Variants in RPRD1A observed in about 807,000 individuals in gnomAD.
RPRD1A encodes the protein regulation of nuclear pre-mRNA domain containing 1A.
RPRD1A carries 9 observed loss-of-function variants against 37.8 expected under a neutral mutation model. The ratio of observed to expected loss-of-function variants is 0.24; its 90% CI spans 0.14 to 0.42. RPRD1A has a LOEUF of 0.42. Ranked by LOEUF, RPRD1A falls within the 10% of genes least tolerant of loss-of-function variation. The pLI is 1.00. For missense variants in RPRD1A, 255 were observed against 371.0 expected, an observed-to-expected ratio of 0.69 and a Z score of 2.57; for synonymous variants, 138 against 139.7, an observed-to-expected ratio of 0.99 and a Z score of 0.08.
chr18:36,018,280 T>C (rs1910743509), intron 6 of RPRD1A, among the ~76,000 whole-genome samples: 1 of 146,568 alleles, frequency 6.8e-6, no homozygotes, highest in African/African-American at 2.5e-5. Flanking sequence ...ACACTTTTTT[T>C]TTTTTTTTTT....
At chr18:36,003,680 T>C (rs1349916094) in intron 6 of RPRD1A, among the ~76,000 whole-genome samples, 1 of 152,234 alleles carries the variant, frequency 6.6e-6, no homozygotes, top group Non-Finnish European at 1.5e-5. Flanking sequence ...TCAAAAAAAT[T>C]TAAAACTTCC....
intron 6 of RPRD1A, among the ~76,000 whole-genome samples, chr18:35,994,548 T>G (rs569105053): frequency 1.3e-5 from 2 of 152,324 alleles, no homozygotes; most frequent in African/African-American, 2.4e-5. Context: ...CAGGTGGATA[T>G]CGGAGCTGTT....
In RPRD1A at chr18:36,048,015, A is replaced by G. The variant is rs148391608; in HGVS notation, c.152-14178T>C. Among the ~76,000 whole-genome samples the G allele has an allele frequency of 2.9e-3, 442 of 152,120 alleles. 3 individuals carry two copies. The highest frequency in any genetic ancestry group is 9.9e-3 in the African/African-American group (412 of 41,510). ...CAAAACCAGACACAGCATCCAAAAA[A>G]GGAAAACTATAGACCAACCACCTTC... On this transcript the variant is annotated intron_variant, in intron 1 of 6. Transcript: ENST00000399022.
intron 2 of RPRD1A, among the ~76,000 whole-genome samples, chr18:36,031,465 C>T (rs770250483): frequency 6.6e-6 from 1 of 152,116 alleles, no homozygotes; most frequent in East Asian, 1.9e-4. Context: ...GATCCAGTTA[C>T]TATCTTTGAC....
At chr18:36,042,927 A>T (rs1912685329) in intron 1 of RPRD1A, among the ~76,000 whole-genome samples, 1 of 152,184 alleles carries the variant, frequency 6.6e-6, no homozygotes, top group Non-Finnish European at 1.5e-5. Flanking sequence ...TCACCTTGCA[A>T]ATTTTACTTC....
chr18:36,045,100 C>T (rs953919298), intron 1 of RPRD1A, among the ~76,000 whole-genome samples: 17 of 152,034 alleles, frequency 1.1e-4, no homozygotes, highest in African/African-American at 3.9e-4. Flanking sequence ...ATTAGCCAGA[C>T]GTGGTGGTGC....
chr18:36,033,041 C>T (rs539841004), intron 2 of RPRD1A, among the ~76,000 whole-genome samples: 10 of 152,166 alleles, frequency 6.6e-5, no homozygotes, highest in African/African-American at 2.4e-4. Flanking sequence ...TGGTGGCTCA[C>T]GTTTGTAATC....
intron 1 of RPRD1A, among the ~76,000 whole-genome samples, chr18:36,042,454 A>G (rs1912647994): frequency 6.6e-6 from 1 of 152,206 alleles, no homozygotes; most frequent in African/African-American, 2.4e-5. Context: ...CCAGTAACTT[A>G]GTTTCTGATC....
intron 4 of RPRD1A, 127 bp downstream of exon 4, chr18:36,030,681 T>C (rs926218689): frequency 4.9e-6 from 3 of 606,810 alleles, no homozygotes; most frequent in Middle Eastern, 3.7e-4. Context: ...GAGATATTCA[T>C]GTGGCTTCTT....
At chr18:36,050,445 G>C (rs1913300712) in intron 1 of RPRD1A, among the ~76,000 whole-genome samples, 1 of 151,770 alleles carries the variant, frequency 6.6e-6, no homozygotes, top group African/African-American at 2.4e-5. Context: ...ACCCGCCTTT[G>C]CTTTTGTATC....
chr18:36,020,046 T>C (rs1008168504), intron 6 of RPRD1A, among the ~76,000 whole-genome samples: 1 of 151,502 alleles, frequency 6.6e-6, no homozygotes, highest in African/African-American at 2.4e-5. Context: ...TCTGAAAGAA[T>C]GGAAGGGGAA....
intron 2 of RPRD1A, among the ~76,000 whole-genome samples, 169 bp downstream of exon 2, chr18:36,033,539 A>C (rs1205050388): frequency 6.6e-6 from 1 of 152,194 alleles, no homozygotes; most frequent in Non-Finnish European, 1.5e-5. Flanking sequence ...CCTTCAGAGA[A>C]GGCATTTAAT....
intron 4 of RPRD1A, among the ~76,000 whole-genome samples, chr18:36,029,847 C>G (rs1047309082): frequency 6.6e-6 from 1 of 151,658 alleles, no homozygotes; most frequent in African/African-American, 2.4e-5. Flanking sequence ...GCTCTGTCAC[C>G]CAGGATGGAG....
chr18:36,020,307 G>A (rs950981055), intron 6 of RPRD1A, among the ~76,000 whole-genome samples: 1 of 152,174 alleles, frequency 6.6e-6, no homozygotes, highest in Non-Finnish European at 1.5e-5. Flanking sequence ...GCAAAAGAGT[G>A]TGCGCATCTA....
intron 6 of RPRD1A, among the ~76,000 whole-genome samples, chr18:35,996,265 C>CT (rs796773570): frequency 2.2e-4 from 32 of 147,374 alleles, no homozygotes; most frequent in South Asian, 6.5e-4. Flanking sequence ...AAAATTAAAA[C>CT]TTTTTTTTTT....
intron 6 of RPRD1A, among the ~76,000 whole-genome samples, chr18:36,020,507 C>T (rs139405508): frequency 3.7e-4 from 57 of 152,268 alleles, no homozygotes; most frequent in African/African-American, 1.3e-3. Context: ...AAGTCTTTAA[C>T]ATGAATCAGC....
chr18:36,033,971 C>T, intron 1 of RPRD1A, 134 bp from the exon 2 acceptor site: 1 of 638,346 alleles, frequency 1.6e-6, no homozygotes, highest in Non-Finnish European at 2.5e-6. Flanking sequence ...ACCCTAGTCT[C>T]TCATTTTACT....
intron 4 of RPRD1A, among the ~76,000 whole-genome samples, chr18:36,030,597 A>G (rs1911706198): frequency 6.6e-6 from 1 of 152,246 alleles, no homozygotes; most frequent in African/African-American, 2.4e-5. Context: ...CTTTCTATAC[A>G]AAACATGATT....
chr18:36,043,264 A>G (rs1598648102), intron 1 of RPRD1A, among the ~76,000 whole-genome samples: 1 of 142,300 alleles, frequency 7.0e-6, no homozygotes, highest in African/African-American at 2.6e-5. Context: ...TACAAATTAT[A>G]TATTACATGA....
Sources: allele counts gnomAD v4.1 joint callset (sites outside exome capture counted in the v4.1 genomes callset), GRCh38; gene constraint gnomAD v4.1.1; transcripts MANE v1.5; gene names NCBI Gene and HGNC (gene_info 2026-07-23, HGNC 2026-07-21).